The following CELF2 variants were observed in gnomAD, a reference collection of about 807,000 sequenced individuals.
The protein encoded by CELF2 is CUG triplet repeat RNA-binding protein 2.
Under a neutral mutation model 62.6 loss-of-function variants are expected in CELF2, and 8 were observed. The observed-to-expected ratio is 0.13, with a 90% CI of 0.07 to 0.23. CELF2 has a LOEUF of 0.23. CELF2 is among the 10% of genes least tolerant of loss of function. The probability of loss-of-function intolerance (pLI) is 1.00; values close to 1 mark genes in which losing one functional copy is unlikely to be tolerated. For synonymous variants in CELF2, 258 were observed against 250.0 expected, an observed-to-expected ratio of 1.03 and a Z score of -0.30; for missense variants, 333 against 671.0, an observed-to-expected ratio of 0.50 and a Z score of 5.56.
chr10:11,022,549 C>T (rs996879547), intron 1 of CELF2, among the ~76,000 whole-genome samples: 3 of 150,874 alleles, frequency 2.0e-5, no homozygotes, highest in Admixed American at 6.6e-5. Context: ...TTTTTTTTCT[C>T]CCCTGACAGC....
intron 2 of CELF2, among the ~76,000 whole-genome samples, chr10:10,963,463 C>T (rs1438218692): frequency 6.6e-6 from 1 of 152,204 alleles, no homozygotes; most frequent in Non-Finnish European, 1.5e-5. Context: ...TCTCTCACCA[C>T]TGACGGTTAG....
intron 1 of CELF2, among the ~76,000 whole-genome samples, chr10:11,024,259 AGT>A (rs1342608486): frequency 6.6e-6 from 1 of 152,180 alleles, no homozygotes; most frequent in Admixed American, 6.5e-5. Flanking sequence ...GGATTCCTCT[AGT>A]GCTTTAAAGG....
At chr10:10,969,002 C>A (rs2050462791) in intron 2 of CELF2, among the ~76,000 whole-genome samples, 1 of 152,066 alleles carries the variant, frequency 6.6e-6, no homozygotes, top group Non-Finnish European at 1.5e-5. Flanking sequence ...TGAACAAAGA[C>A]CTTGCTTTTT....
chr10:10,863,662 T>C (rs2060180550), intron 1 of CELF2, among the ~76,000 whole-genome samples: 1 of 152,180 alleles, frequency 6.6e-6, no homozygotes, highest in African/African-American at 2.4e-5. Flanking sequence ...ACCTAATAGA[T>C]TAAGTGGAGA....
At chr10:10,737,224 A>G in the CELF2 span, among the ~76,000 whole-genome samples, 1 of 152,192 alleles carries the variant, frequency 6.6e-6, no homozygotes, top group Non-Finnish European at 1.5e-5. Flanking sequence ...TGGTTCGCAT[A>G]CTGTCCCTAT....
intron 1 of CELF2, among the ~76,000 whole-genome samples, chr10:10,813,346 T>A (rs2056125168): frequency 1.3e-5 from 2 of 152,172 alleles, no homozygotes; most frequent in South Asian, 4.1e-4. Flanking sequence ...AGAACTCCAT[T>A]TTGATTTTGT....
rs147894585 is a variant in CELF2, at chr10:10,845,647, T to G, written c.53+46830T>G. Reference sequence around the variant, plus strand: ...CTTAATTTAATCATTTCACAATGCATACATGTCTCAGAATATCACATGTAT... The same window carrying G: ...CTTAATTTAATCATTTCACAATGCAGACATGTCTCAGAATATCACATGTAT... On this transcript the variant is annotated intron_variant, in intron 1 of 13. Transcript: ENST00000636488. Among the ~76,000 whole-genome samples the G allele has an allele frequency of 1.8e-3, 273 of 152,340 alleles. 2 individuals carry two copies. Among genetic ancestry groups the G allele is most frequent in the South Asian group, 0.013 (62 of 4,830 alleles).
the CELF2 span, among the ~76,000 whole-genome samples, chr10:10,463,704 T>C: frequency 6.6e-6 from 1 of 152,206 alleles, no homozygotes; most frequent in African/African-American, 2.4e-5. Context: ...GGCTTGTCAA[T>C]GAGTCTGCTT....
the CELF2 span, among the ~76,000 whole-genome samples, chr10:10,714,388 G>T: frequency 2.0e-5 from 3 of 152,140 alleles, no homozygotes; most frequent in African/African-American, 7.2e-5. Context: ...TATAAAACAG[G>T]ATGGTAGCTG....
chr10:10,635,022 A>C, the CELF2 span, among the ~76,000 whole-genome samples: 1 of 152,110 alleles, frequency 6.6e-6, no homozygotes, highest in Admixed American at 6.5e-5. Context: ...AGCAGAAGAG[A>C]TGGACAAAGG....
chr10:11,213,245 G>A (rs1004976449), intron 2 of CELF2, among the ~76,000 whole-genome samples: 2 of 152,226 alleles, frequency 1.3e-5, no homozygotes, highest in East Asian at 1.9e-4. Context: ...TGTTGTAGAT[G>A]TGTGACTACC....
At chr10:11,107,647 A>T (rs1180361951) in intron 1 of CELF2, among the ~76,000 whole-genome samples, 1 of 151,908 alleles carries the variant, frequency 6.6e-6, no homozygotes, top group Non-Finnish European at 1.5e-5. Flanking sequence ...CTTTTACTCT[A>T]ATGTTTGGCT....
intron 2 of CELF2, among the ~76,000 whole-genome samples, chr10:10,981,520 C>A (rs982874748): frequency 6.6e-6 from 1 of 152,118 alleles, no homozygotes; most frequent in African/African-American, 2.4e-5. Context: ...GTTTTTATAC[C>A]TAGTTGAGAA....
At chr10:11,029,222 T>C (rs372656601) in intron 1 of CELF2, among the ~76,000 whole-genome samples, 14 of 152,334 alleles carry the variant, frequency 9.2e-5, no homozygotes, top group South Asian at 8.3e-4. Context: ...GTATGGGTTA[T>C]CTGTAGCATC....
At chr10:11,295,086 G>A in intron 9 of CELF2, among the ~76,000 whole-genome samples, 1 of 152,134 alleles carries the variant, frequency 6.6e-6, no homozygotes, top group African/African-American at 2.4e-5. Flanking sequence ...TCTGAAAATT[G>A]TCTTCTTTGC....
chr10:11,273,997 G>A (rs2084996675), intron 7 of CELF2, among the ~76,000 whole-genome samples: 1 of 50,362 alleles, frequency 2.0e-5, no homozygotes, highest in African/African-American at 6.8e-5. Context: ...GCCTCCCAAA[G>A]TCCTGGGATT....
At chr10:10,626,321 A>G in the CELF2 span, among the ~76,000 whole-genome samples, 3 of 152,192 alleles carry the variant, frequency 2.0e-5, no homozygotes, top group African/African-American at 4.8e-5. Flanking sequence ...AGATCTCCCC[A>G]TGTATTCATG....
intron 1 of CELF2, among the ~76,000 whole-genome samples, chr10:11,050,704 TC>T (rs1293966749): frequency 1.3e-5 from 2 of 152,210 alleles, no homozygotes; most frequent in African/African-American, 4.8e-5. Flanking sequence ...TCGTGCAGCC[TC>T]CTGTCTTCTC....
the CELF2 span, among the ~76,000 whole-genome samples, chr10:10,582,412 G>A: frequency 7.2e-5 from 11 of 152,202 alleles, no homozygotes; most frequent in Middle Eastern, 3.4e-3. Flanking sequence ...ATAGTTTTCC[G>A]AGATTATATT....
Sources: allele counts gnomAD v4.1 joint callset (sites outside exome capture counted in the v4.1 genomes callset), GRCh38; gene constraint gnomAD v4.1.1; transcripts MANE v1.5; gene names NCBI Gene and HGNC (gene_info 2026-07-23, HGNC 2026-07-21).